The following LRP1B variants were observed in gnomAD, a reference collection of about 807,000 sequenced individuals.
LRP1B encodes the protein LDL receptor related protein 1B, also known as low-density lipoprotein receptor-related protein 1B.
LRP1B carries 217 observed loss-of-function variants against 556.6 expected under a neutral mutation model. The ratio of observed to expected loss-of-function variants is 0.39; its 90% CI spans 0.35 to 0.44. The LOEUF (loss-of-function observed/expected upper bound fraction) is 0.44. LRP1B is among the 20% of genes least tolerant of loss of function. The pLI is 1.00. For synonymous variants in LRP1B, 2,047 were observed against 1,865.8 expected (o/e 1.10, Z -2.50); for missense variants, 5,053 against 5,620.8 (o/e 0.90, Z 3.23).
At chr2:141,000,326 G>A (rs1038953058) in intron 15 of LRP1B, among the ~76,000 whole-genome samples, 2 of 151,946 alleles carry the variant, frequency 1.3e-5, no homozygotes, top group African/African-American at 4.8e-5. Flanking sequence ...TAAACATAAA[G>A]GACAAGCTTG....
At chr2:141,716,414 A>G in intron 2 of LRP1B, among the ~76,000 whole-genome samples, 1 of 152,160 alleles carries the variant, frequency 6.6e-6, no homozygotes, top group East Asian at 1.9e-4. Flanking sequence ...CTTTTGCAAA[A>G]GTGACAATAT....
At chr2:141,825,067 G>A (rs1024767045) in intron 1 of LRP1B, among the ~76,000 whole-genome samples, 4 of 152,142 alleles carry the variant, frequency 2.6e-5, no homozygotes, top group Admixed American at 6.5e-5. Context: ...AGTTTCCTGA[G>A]GCCGCCCCAA....
intron 86 of LRP1B, among the ~76,000 whole-genome samples, chr2:140,265,580 TA>T (rs1218055442): frequency 6.6e-6 from 1 of 152,068 alleles, no homozygotes; most frequent in Non-Finnish European, 1.5e-5. Context: ...CAAAAGTGCA[TA>T]AGTTTTGCAC....
At chr2:140,400,695 A>T (rs1016416408) in intron 66 of LRP1B, among the ~76,000 whole-genome samples, 1 of 152,156 alleles carries the variant, frequency 6.6e-6, no homozygotes, top group African/African-American at 2.4e-5. Flanking sequence ...TTTTTCCAAA[A>T]AGCAACACAG....
At chr2:140,284,021 G>A (rs1027405705) in intron 84 of LRP1B, among the ~76,000 whole-genome samples, 1 of 151,502 alleles carries the variant, frequency 6.6e-6, no homozygotes, top group African/African-American at 2.4e-5. Flanking sequence ...AAAAAGAATG[G>A]AAATGAAGCG....
chr2:141,279,207 A>G (rs1308032392), intron 3 of LRP1B, among the ~76,000 whole-genome samples: 8 of 152,086 alleles, frequency 5.3e-5, no homozygotes, highest in Non-Finnish European at 1.2e-4. Context: ...AGATTAAATG[A>G]ATTGATTATG....
At chr2:141,822,128 CACAGAGAG>C (rs1193660195) in intron 1 of LRP1B, among the ~76,000 whole-genome samples, 1 of 117,126 alleles carries the variant, frequency 8.5e-6, no homozygotes, top group Admixed American at 9.3e-5. Context: ...CACACACACA[CACAGAGAG>C]AGAGAGAGAG....
At chr2:140,619,831 A>G (rs1411437148) in intron 41 of LRP1B, among the ~76,000 whole-genome samples, 1 of 152,226 alleles carries the variant, frequency 6.6e-6, no homozygotes, top group Non-Finnish European at 1.5e-5. Flanking sequence ...TGAAGAAGAT[A>G]TTTAAATATT....
chr2:141,100,573 T>A (rs1421670382), intron 7 of LRP1B, among the ~76,000 whole-genome samples: 2 of 152,124 alleles, frequency 1.3e-5, no homozygotes, highest in Non-Finnish European at 2.9e-5. Flanking sequence ...TCCCTTTCCT[T>A]TTAAAGACAA....
intron 6 of LRP1B, among the ~76,000 whole-genome samples, chr2:141,189,157 C>T (rs550815959): frequency 6.6e-6 from 1 of 152,116 alleles, no homozygotes; most frequent in East Asian, 1.9e-4. Context: ...AAAAGGCTTG[C>T]TCAAGGACTG....
intron 41 of LRP1B, among the ~76,000 whole-genome samples, chr2:140,653,569 G>A (rs1270148132): frequency 6.6e-6 from 1 of 151,906 alleles, no homozygotes; most frequent in Admixed American, 6.6e-5. Flanking sequence ...AATAGGTATT[G>A]GGCTGTAAAG....
intron 3 of LRP1B, among the ~76,000 whole-genome samples, chr2:141,379,898 G>A (rs114860451): frequency 0.022 from 3,315 of 152,220 alleles, 119 homozygotes; most frequent in African/African-American, 0.073. Context: ...CCAATTCTCA[G>A]CTTTTTCAGC....
intron 1 of LRP1B, among the ~76,000 whole-genome samples, chr2:141,998,590 C>T (rs965369303): frequency 3.9e-5 from 6 of 152,106 alleles, no homozygotes; most frequent in East Asian, 1.9e-4. Flanking sequence ...AGGTAATGGA[C>T]GTGTCTATGA....
chr2:141,544,324 TC>T (rs1329561146), intron 2 of LRP1B, among the ~76,000 whole-genome samples: 26 of 54,788 alleles, frequency 4.7e-4, no homozygotes, highest in Admixed American at 8.9e-4. Flanking sequence ...TTCTTCTTCT[TC>T]TTCTTCTTCT....
chr2:140,742,288 C>A (rs1237565811), intron 35 of LRP1B, among the ~76,000 whole-genome samples: 1 of 152,152 alleles, frequency 6.6e-6, no homozygotes, highest in Non-Finnish European at 1.5e-5. Flanking sequence ...GGAAAGATGA[C>A]TGAATGGCTC....
At chr2:141,488,510 T>A (rs1366504197) in intron 2 of LRP1B, among the ~76,000 whole-genome samples, 1 of 152,166 alleles carries the variant, frequency 6.6e-6, no homozygotes, top group Non-Finnish European at 1.5e-5. Flanking sequence ...AATTGATTAC[T>A]TCTTTTGGCA....
At chr2:140,597,531 C>T (rs1682491758) in intron 43 of LRP1B, among the ~76,000 whole-genome samples, 1 of 152,110 alleles carries the variant, frequency 6.6e-6, no homozygotes, top group Non-Finnish European at 1.5e-5. Flanking sequence ...GAGTCATATA[C>T]TTTTGCATTA....
intron 2 of LRP1B, among the ~76,000 whole-genome samples, chr2:141,528,426 A>G (rs949260098): frequency 3.3e-5 from 5 of 152,032 alleles, no homozygotes; most frequent in African/African-American, 1.2e-4. Flanking sequence ...ATATGTCTAT[A>G]TATGTTTAAA....
intron 84 of LRP1B, among the ~76,000 whole-genome samples, chr2:140,295,992 G>T (rs1475672277): frequency 6.6e-6 from 1 of 151,584 alleles, no homozygotes; most frequent in Non-Finnish European, 1.5e-5. Context: ...AAAACAGGAA[G>T]TGAAAAAAAG....
Sources: allele counts gnomAD v4.1 joint callset (sites outside exome capture counted in the v4.1 genomes callset), GRCh38; gene constraint gnomAD v4.1.1; transcripts MANE v1.5; gene names NCBI Gene and HGNC (gene_info 2026-07-23, HGNC 2026-07-21).